Variants in MICAL1 observed in about 807,000 individuals in gnomAD.
The protein encoded by MICAL1 is microtubule associated monooxygenase, calponin and LIM domain containing 1, also known as [F-actin]-monooxygenase MICAL1.
MICAL1 carries 95 observed loss-of-function variants against 131.8 expected under a neutral mutation model. That is an observed-to-expected ratio of 0.72 (90% CI 0.61 to 0.86). The LOEUF (loss-of-function observed/expected upper bound fraction) is 0.86, where lower values mean the gene tolerates loss of function less well. MICAL1 is among the 40% of genes least tolerant of loss of function. The pLI, the probability that MICAL1 is intolerant of heterozygous loss-of-function variation, is 0.00. For missense variants in MICAL1, 1,292 were observed against 1,380.6 expected, an observed-to-expected ratio of 0.94 and a Z score of 1.02; for synonymous variants, 546 against 554.2, an observed-to-expected ratio of 0.99 and a Z score of 0.21.
chr6:109,449,588 G>C, intron 10 of MICAL1, 69 bp downstream of exon 10: 1 of 1,599,976 alleles, frequency 6.3e-7, no homozygotes, highest in Non-Finnish European at 8.6e-7. Context: ...CAGCGACTGG[G>C]CAGGGAGGGC....
rs891082935 is a variant in MICAL1 at position 109,445,498 on chromosome 6, G to A, written c.2705C>T (p.Thr902Ile). ...ALQTFAKTSG[T>I]MNNYPTWRRT... ...ACGCCATGTTGGGTAGTTATTCATG[G>A]TGCCTGAGGTCTTGGCAAAGGTCTG... Residue 902 changes from threonine to isoleucine, a missense_variant, in exon 21 of 25, where the codon ACC (threonine) becomes ATC (isoleucine). Thr to Ile is a moderately conservative substitution (Grantham distance 89). Transcript: ENST00000358807. 1 of 1,614,124 alleles carries A rather than the reference G, an allele frequency of 6.2e-7. No individual in the cohort carries two copies. Among genetic ancestry groups the A allele is most frequent in the Non-Finnish European group, 8.5e-7 (1 of 1,180,036 alleles).
chr6:109,447,601 G>A, intron 15 of MICAL1, 80 bp downstream of exon 15: 2 of 1,601,318 alleles, frequency 1.2e-6, no homozygotes, highest in African/African-American at 2.7e-5. Context: ...CAAGACATGG[G>A]ATGAGAAATA....
chr6:109,463,874 AAGTG>A (rs1775968326), intron 1 of MICAL1: 2 of 152,248 alleles, frequency 1.3e-5, no homozygotes, highest in African/African-American at 4.8e-5. Flanking sequence ...AGAACATTTA[AAGTG>A]ACCTATGTTG....
intron 13 of MICAL1, 84 bp from the exon 14 acceptor site, chr6:109,448,047 A>G: frequency 6.8e-7 from 1 of 1,463,224 alleles, no homozygotes; most frequent in Non-Finnish European, 9.2e-7. Context: ...CCAACCCAGA[A>G]GGACACCTCT....
intron 1 of MICAL1, chr6:109,462,689 A>C (rs773320084): frequency 6.6e-6 from 1 of 152,208 alleles, no homozygotes; most frequent in Non-Finnish European, 1.5e-5. Context: ...GAGTTTCAAG[A>C]AGCACTGGGC....
In MICAL1 at chr6:109,444,427, A is replaced by G. The variant is rs564094608; in HGVS notation, c.3056-88T>C. The G allele has an allele frequency of 1.8e-4, 284 of 1,569,840 alleles. 2 individuals carry two copies. In the African/African-American group the frequency reaches 3.6e-3, roughly 20 times the overall value. On this transcript the variant is annotated intron_variant, in intron 24 of 24. Coordinates refer to ENST00000358807, the MANE Select transcript of MICAL1 (RefSeq NM_022765.4). Reference sequence around the variant, plus strand: ...CCTAATCCCAGCCTATGTGATTTCTATAACCCGGGCTTTGTTTCCTAAGCT... The same window carrying G: ...CCTAATCCCAGCCTATGTGATTTCTGTAACCCGGGCTTTGTTTCCTAAGCT...
intron 3 of MICAL1, 120 bp downstream of exon 3, chr6:109,453,518 A>T (rs1465071562): frequency 1.3e-6 from 2 of 1,501,714 alleles, no homozygotes; most frequent in Non-Finnish European, 1.8e-6. Context: ...TGAATCTTCA[A>T]GGTCACCTGG....
chr6:109,456,498 A>G (rs1399689275), upstream of MICAL1, among the ~76,000 whole-genome samples: 1 of 152,022 alleles, frequency 6.6e-6, no homozygotes, highest in Non-Finnish European at 1.5e-5. Context: ...ATGAGAAGTG[A>G]GAGGGAAGGG....
Position 109,446,680 on chromosome 6 carries a change from C to A in MICAL1, c.2304+16G>T, listed in dbSNP as rs893314688. On this transcript the variant is annotated intron_variant, in intron 18 of 24. Coordinates refer to ENST00000358807, the MANE Select transcript of MICAL1 (RefSeq NM_022765.4). ...CTTCCCATGCCCCAATATACATACA[C>A]GCCTTCAGTCTTTACCGGACTCTCA... 6.2e-7 allele frequency: 1 copy of A among 1,611,712 alleles called. No homozygotes were observed. The highest frequency in any genetic ancestry group is 1.3e-5 in the African/African-American group (1 of 74,866).
At chr6:109,444,391 G>A (rs751281710) in intron 24 of MICAL1, 52 bp from the exon 25 acceptor site, 112 of 1,610,780 alleles carry the variant, frequency 7.0e-5, no homozygotes, top group Non-Finnish European at 9.4e-5. Context: ...AGGGAAGCAG[G>A]AGGGCCACAA....
In MICAL1 at chr6:109,453,666, G is replaced by A; in HGVS notation, c.438C>T (p.Arg146=). ...RALGAKKFYG[R]FCTGTLDHIS... ...TGTGGTCCAGGGTGCCGGTGCAGAA[G>A]CGCCCGTAGAACTTCTTAGCACCGA... Residue 146 remains arginine, a synonymous_variant, in exon 3 of 25, where the codon CGC becomes CGT. Coordinates refer to ENST00000358807, the MANE Select transcript of MICAL1 (RefSeq NM_022765.4). 1 of 1,611,858 alleles carries A rather than the reference G, an allele frequency of 6.2e-7. No homozygotes were observed. Among genetic ancestry groups the A allele is most frequent in the Non-Finnish European group, 8.5e-7 (1 of 1,179,032 alleles).
At chr6:109,453,487 C>G (rs1473471721) in intron 3 of MICAL1, 120 bp from the exon 4 acceptor site, 1 of 1,500,300 alleles carries the variant, frequency 6.7e-7, no homozygotes, top group Non-Finnish European at 9.0e-7. Context: ...AGCCCAAAAG[C>G]CCACTTATAG....
upstream of MICAL1, among the ~76,000 whole-genome samples, chr6:109,457,287 A>G (rs2115344970): frequency 6.6e-6 from 1 of 152,326 alleles, no homozygotes; most frequent in East Asian, 1.9e-4. Context: ...TGAGTGTGAC[A>G]CGTCATTTGG....
At chr6:109,451,237 T>G (rs979876966) in intron 7 of MICAL1, among the ~76,000 whole-genome samples, 1 of 151,638 alleles carries the variant, frequency 6.6e-6, no homozygotes, top group Non-Finnish European at 1.5e-5. Flanking sequence ...CACTGCAACT[T>G]CCGCCTCCCA....
rs1159068347 is a variant in MICAL1, at chr6:109,452,565, T to C, written c.622A>G (p.Asn208Asp). ...GAGATAAGGACGTCAAATTCATAGT[T>C]GGCCAGCTGGGCAGGGGGGTTGGGT... ...LQPNPPAQLA[N>D]YEFDVLISAA... The change falls in exon 5 of 25, where the codon AAC becomes GAC. Residue 208 changes from asparagine to aspartate, a missense_variant. By Grantham distance (23) the Asn-to-Asp change is conservative (BLOSUM62 1). Coordinates refer to ENST00000358807, the MANE Select transcript of MICAL1 (RefSeq NM_022765.4). 2.5e-6 allele frequency: 4 copies of C among 1,613,520 alleles called. No individual in the cohort carries two copies. Among genetic ancestry groups the C allele is most frequent in the Non-Finnish European group, 3.4e-6 (4 of 1,179,924 alleles).
Position 109,451,585 on chromosome 6 carries a change from A to G in MICAL1, c.933+15T>C. On this transcript the variant is annotated intron_variant, in intron 7 of 24. Transcript: ENST00000358807. ...GCTCACCACCCAGCCTCTCCTGGCC[A>G]GGACTGGGCCTCACCTGGCGCAGCA... 6.2e-7 allele frequency: 1 copy of G among 1,613,366 alleles called. No homozygotes were observed. Among genetic ancestry groups the G allele is most frequent in the Non-Finnish European group, 8.5e-7 (1 of 1,179,832 alleles).
rs1775561060 is a variant in MICAL1, at chr6:109,451,940, A to G, written c.833-240T>C. The G allele has an allele frequency of 7.2e-6, 10 of 1,392,440 alleles. No homozygotes were observed. The East Asian group carries it at 2.7e-4, about 38-fold the overall frequency. The allele number at this position is 1,392,440 out of a possible 1,614,324, so 86.3% of individuals were successfully genotyped here. A position where few individuals can be genotyped will look rare whatever the true frequency, so the allele number is the denominator to read the frequency against. On this transcript the variant is annotated intron_variant, in intron 6 of 24. Coordinates refer to ENST00000358807, the MANE Select transcript of MICAL1 (RefSeq NM_022765.4). ...GGGGGGTGGCATTTGGGAGACCTGC[A>G]CCACCTGGTCGCATGGCAGTGCAAA...
chr6:109,448,821 G>A lies in MICAL1; in HGVS notation c.1575C>T (p.Tyr525=). The change falls in exon 12 of 25, where the codon TAC becomes TAT. Residue 525 remains tyrosine, a synonymous_variant. Transcript: ENST00000358807. The stretch of plus-strand genomic sequence containing the variant: ...ACAAATCGGAGACGTGGACTCCCGG[G>A]TACCCAGCTGTCTGCTCCTGGCACC... ...LRWCQEQTAG[Y]PGVHVSDLSS... The A allele has an allele frequency of 2.5e-6, 4 of 1,614,058 alleles. No individual in the cohort carries two copies. The highest frequency in any genetic ancestry group is 2.5e-6 in the Non-Finnish European group (3 of 1,179,998).
In MICAL1 at chr6:109,453,274, G is replaced by A; in HGVS notation, c.560C>T (p.Pro187Leu). The A allele has an allele frequency of 6.2e-7, 1 of 1,613,454 alleles. No homozygotes were observed. The highest frequency in any genetic ancestry group is 8.5e-7 in the Non-Finnish European group (1 of 1,179,470). Residue 187 changes from proline to leucine, a missense_variant, in exon 4 of 25, where the codon CCT becomes CTT. By Grantham distance (98) the Pro-to-Leu change is moderately conservative (BLOSUM62 -3). Coordinates refer to ENST00000358807, the MANE Select transcript of MICAL1 (RefSeq NM_022765.4). ...WGVTFTGLQP[P>L]PRKGSGWRAQ... is the part of the protein sequence containing the mutation. ...ATAGAAATACTTACCCTTCCTAGGAGGGGGCTGGAGGCCAGTGAAAGTGAC... is the reference window on the plus strand; with the variant it reads ...ATAGAAATACTTACCCTTCCTAGGAAGGGGCTGGAGGCCAGTGAAAGTGAC...
Sources: allele counts gnomAD v4.1 joint callset (sites outside exome capture counted in the v4.1 genomes callset), GRCh38; gene constraint gnomAD v4.1.1; transcripts MANE v1.5; gene names NCBI Gene and HGNC (gene_info 2026-07-23, HGNC 2026-07-21).